Variants in GRIP1 observed in about 807,000 individuals in gnomAD.
GRIP1 encodes glutamate receptor-interacting protein 1.
GRIP1 carries 45 observed loss-of-function variants against 129.9 expected under a neutral mutation model. The ratio of observed to expected loss-of-function variants is 0.35; its 90% CI spans 0.27 to 0.44. The LOEUF (loss-of-function observed/expected upper bound fraction) is 0.44, where lower values mean the gene tolerates loss of function less well. Ranked by LOEUF, GRIP1 falls within the 20% of genes least tolerant of loss-of-function variation. The pLI, the probability that GRIP1 is intolerant of heterozygous loss-of-function variation, is 1.00. For synonymous variants in GRIP1, 530 were observed against 520.8 expected, an observed-to-expected ratio of 1.02 and a Z score of -0.24; for missense variants, 1,196 against 1,396.8, an observed-to-expected ratio of 0.86 and a Z score of 2.29.
chr12:66,477,707 C>T (rs1330754826), intron 7 of GRIP1, among the ~76,000 whole-genome samples: 2 of 152,014 alleles, frequency 1.3e-5, no homozygotes, highest in Non-Finnish European at 2.9e-5. Context: ...CAGAATAGAG[C>T]CCTCAGAAAT....
At chr12:66,834,718 T>C (rs770587125) in intron 1 of GRIP1, among the ~76,000 whole-genome samples, 75 of 152,096 alleles carry the variant, frequency 4.9e-4, no homozygotes, top group Admixed American at 1.4e-3. Context: ...AGCCCTTTTA[T>C]GGTGATTTTT....
At chr12:66,559,357 C>A in intron 2 of GRIP1, among the ~76,000 whole-genome samples, 1 of 151,922 alleles carries the variant, frequency 6.6e-6, no homozygotes, top group East Asian at 1.9e-4. Flanking sequence ...GAGAAAGAAG[C>A]AAAAGGCATC....
intron 1 of GRIP1, among the ~76,000 whole-genome samples, chr12:66,893,864 T>C (rs553231843): frequency 1.3e-5 from 2 of 152,302 alleles, no homozygotes; most frequent in East Asian, 1.9e-4. Context: ...TTCAGCATCT[T>C]ACTCAAACCA....
rs377118507 is a variant in GRIP1 at position 66,563,574 on chromosome 12, A to G, written c.137-21624T>C. 2.4e-5 allele frequency: 4 copies of G among 166,472 alleles called. No homozygotes were observed. In the South Asian group the frequency reaches 5.4e-4, roughly 23 times the overall value. 10.3% of individuals were successfully genotyped at this position (166,472 alleles called of 1,614,324 possible). A position where few individuals can be genotyped will look rare whatever the true frequency, so the allele number is the denominator to read the frequency against. Reference sequence around the variant, plus strand: ...CAAAACACAAACTTGAAAAAGACAAACAGAAGAAACCCAAGAAAGGAAGGA... The same window carrying G: ...CAAAACACAAACTTGAAAAAGACAAGCAGAAGAAACCCAAGAAAGGAAGGA... On this transcript the variant is annotated intron_variant, in intron 2 of 24. Transcript: ENST00000359742.
intron 1 of GRIP1, among the ~76,000 whole-genome samples, chr12:66,905,995 C>CA (rs1253415676): frequency 1.6e-4 from 24 of 150,174 alleles, no homozygotes; most frequent in East Asian, 1.2e-3. Flanking sequence ...ATGTGTAAAA[C>CA]AAAAAAAAGG....
chr12:66,824,974 A>C (rs1241017615), intron 1 of GRIP1, among the ~76,000 whole-genome samples: 1 of 152,132 alleles, frequency 6.6e-6, no homozygotes, highest in African/African-American at 2.4e-5. Flanking sequence ...GCCCTCTCTT[A>C]ATCCCTTGAT....
chr12:67,033,078 T>C (rs2043046029), intron 1 of GRIP1, among the ~76,000 whole-genome samples: 1 of 151,960 alleles, frequency 6.6e-6, no homozygotes, highest in East Asian at 1.9e-4. Flanking sequence ...TGGGTATGGG[T>C]TGGACAGCTC....
intron 4 of GRIP1, among the ~76,000 whole-genome samples, chr12:66,537,527 T>TAC (rs2139179673): frequency 6.6e-6 from 1 of 151,382 alleles, no homozygotes; most frequent in South Asian, 2.1e-4. Context: ...ATCATATATA[T>TAC]ATATATATGT....
At chr12:66,619,676 G>A (rs1009520409) in intron 1 of GRIP1, among the ~76,000 whole-genome samples, 1 of 152,064 alleles carries the variant, frequency 6.6e-6, no homozygotes, top group Non-Finnish European at 1.5e-5. Context: ...CTTTGTGCAA[G>A]AAAACCAAAA....
intron 15 of GRIP1, among the ~76,000 whole-genome samples, chr12:66,416,611 T>C (rs1353345644): frequency 2.0e-5 from 3 of 152,192 alleles, no homozygotes; most frequent in African/African-American, 4.8e-5. Context: ...AAAGGATCAT[T>C]AGTGGCTCCT....
At chr12:66,769,074 T>C (rs2037734847) in intron 1 of GRIP1, among the ~76,000 whole-genome samples, 1 of 152,192 alleles carries the variant, frequency 6.6e-6, no homozygotes, top group South Asian at 2.1e-4. Context: ...AGCAGCTGGT[T>C]GGGCCCCACC....
At chr12:66,459,891 G>T (rs1409854742) in intron 9 of GRIP1, among the ~76,000 whole-genome samples, 1 of 152,168 alleles carries the variant, frequency 6.6e-6, no homozygotes, top group Non-Finnish European at 1.5e-5. Flanking sequence ...TTTTTGGCAT[G>T]TCCTGTCATT....
chr12:66,994,554 T>G (rs1018076528), intron 1 of GRIP1, among the ~76,000 whole-genome samples: 1 of 151,900 alleles, frequency 6.6e-6, no homozygotes, highest in Non-Finnish European at 1.5e-5. Flanking sequence ...GACTATATAC[T>G]TGCAATAAGG....
At chr12:66,450,472 G>A (rs1262038021) in intron 11 of GRIP1, among the ~76,000 whole-genome samples, 3 of 151,040 alleles carry the variant, frequency 2.0e-5, no homozygotes, top group Non-Finnish European at 4.4e-5. Context: ...TCTCTAGAAG[G>A]TTTTGAAAAT....
chr12:66,654,979 T>C (rs2033054558), intron 1 of GRIP1, among the ~76,000 whole-genome samples: 1 of 152,258 alleles, frequency 6.6e-6, no homozygotes. Context: ...TATTTTATTT[T>C]CATTACCTCT....
At chr12:66,745,837 G>C (rs748173175) in intron 1 of GRIP1, among the ~76,000 whole-genome samples, 1 of 152,166 alleles carries the variant, frequency 6.6e-6, no homozygotes, top group African/African-American at 2.4e-5. Context: ...GAGATGTTCA[G>C]TGATCAGAGT....
chr12:66,977,984 T>A (rs912067658), intron 1 of GRIP1, among the ~76,000 whole-genome samples: 19 of 151,910 alleles, frequency 1.3e-4, no homozygotes, highest in South Asian at 4.2e-4. Context: ...GGCTAAGTTT[T>A]TTTTTATTTT....
At chr12:66,386,213 C>T (rs2056350300) in intron 19 of GRIP1, among the ~76,000 whole-genome samples, 1 of 152,168 alleles carries the variant, frequency 6.6e-6, no homozygotes, top group Non-Finnish European at 1.5e-5. Flanking sequence ...AAAATTCTAA[C>T]ATTCCAACCT....
intron 1 of GRIP1, among the ~76,000 whole-genome samples, chr12:66,857,366 T>A (rs74870048): frequency 0.16 from 23,660 of 151,858 alleles, 2,014 homozygotes; most frequent in East Asian, 0.37. Context: ...AAACCAAAGC[T>A]TGGATTTTAT....
Sources: allele counts gnomAD v4.1 joint callset (sites outside exome capture counted in the v4.1 genomes callset), GRCh38; gene constraint gnomAD v4.1.1; transcripts MANE v1.5; gene names NCBI Gene and HGNC (gene_info 2026-07-23, HGNC 2026-07-21).